The following SOX30 variants were observed in gnomAD, a reference collection of about 807,000 sequenced individuals.
The protein encoded by SOX30 is transcription factor SOX-30.
SOX30 carries 17 observed loss-of-function variants against 58.6 expected under a neutral mutation model. That is an observed-to-expected ratio of 0.29 (90% CI 0.20 to 0.44). The LOEUF is 0.44. SOX30 is among the 20% of genes least tolerant of loss of function. The pLI is 1.00. For synonymous variants in SOX30, 421 were observed against 400.2 expected (o/e 1.05, Z -0.62); for missense variants, 951 against 965.8 (o/e 0.98, Z 0.20).
chr5:157,663,616 A>G (rs1759614748), intron 2 of SOX30, among the ~76,000 whole-genome samples: 1 of 152,232 alleles, frequency 6.6e-6, no homozygotes. Flanking sequence ...AATCAGGCAG[A>G]AGAAAGAAAT....
In SOX30 at chr5:157,651,827, A is replaced by G. The variant is rs746090206; in HGVS notation, c.252T>C (p.Pro84=). The G allele has an allele frequency of 6.3e-7, 1 of 1,586,572 alleles. No individual in the cohort carries two copies. The highest frequency in any genetic ancestry group is 2.3e-5 in the East Asian group (1 of 43,924). ...KPEQVLLLPQ[P]QAQNEEAAAS... is the part of the protein sequence containing the mutation. ...CAGCGGCTTCCTCGTTCTGGGCCTGAGGCTGTGGTAGCAGCAACACCTGCT... is the reference window on the plus strand; with the variant it reads ...CAGCGGCTTCCTCGTTCTGGGCCTGGGGCTGTGGTAGCAGCAACACCTGCT... The change falls in exon 1 of 5, where the codon CCT becomes CCC. Residue 84 remains proline (P), a synonymous_variant. Coordinates refer to ENST00000265007, the MANE Select transcript of SOX30 (RefSeq NM_178424.2).
At chr5:157,643,101 GACAACAACAACAACA>G (rs200189852) in intron 3 of SOX30, among the ~76,000 whole-genome samples, 9 of 149,826 alleles carry the variant, frequency 6.0e-5, no homozygotes, top group Non-Finnish European at 4.4e-5. Flanking sequence ...GAAGAAAACG[GACAACAACAACAACA>G]ACAACAACAA....
chr5:157,666,333 G>A (rs976979627), intron 2 of SOX30, among the ~76,000 whole-genome samples: 3 of 151,574 alleles, frequency 2.0e-5, no homozygotes, highest in Non-Finnish European at 4.4e-5. Context: ...GCTAATTTTT[G>A]TATTTTTGTA....
At position 157,651,103 on chromosome 5, in the gene SOX30, G is replaced by A. The variant is rs780007807; in HGVS notation, c.967+9C>T. 3 of 1,524,434 alleles carry A rather than the reference G, an allele frequency of 2.0e-6. No homozygotes were observed. Among genetic ancestry groups the A allele is most frequent in the Non-Finnish European group, 2.6e-6 (3 of 1,136,230 alleles). The allele number at this position is 1,524,434 out of a possible 1,614,324, so 94.4% of individuals were successfully genotyped here. A position where few individuals can be genotyped will look rare whatever the true frequency, so the allele number is the denominator to read the frequency against. On this transcript the variant is annotated intron_variant, in intron 1 of 4. Coordinates refer to ENST00000265007, the MANE Select transcript of SOX30 (RefSeq NM_178424.2). ...GTTTTGAAAACCCGACTCCCCTGCT[G>A]TCTAATACCTGCATCTGAGGGCAAC...
intron 4 of SOX30, among the ~76,000 whole-genome samples, chr5:157,637,455 C>G (rs1337163637): frequency 6.6e-6 from 1 of 152,126 alleles, no homozygotes; most frequent in Non-Finnish European, 1.5e-5. Context: ...AATTGGCAAT[C>G]ACTTGGGAGC....
intron 4 of SOX30, among the ~76,000 whole-genome samples, chr5:157,637,138 A>AG (rs1013481485): frequency 2.0e-5 from 3 of 151,588 alleles, no homozygotes; most frequent in African/African-American, 4.8e-5. Flanking sequence ...CGCCTCAAAA[A>AG]AAAAAAAAAA....
chr5:157,628,107 G>A (rs1206226962), intron 4 of SOX30, among the ~76,000 whole-genome samples: 1 of 152,020 alleles, frequency 6.6e-6, no homozygotes, highest in African/African-American at 2.4e-5. Context: ...TTGAGCCCAG[G>A]AGTTTGAAGC....
At chr5:157,635,177 T>C (rs1758896634) in intron 4 of SOX30, among the ~76,000 whole-genome samples, 1 of 152,228 alleles carries the variant, frequency 6.6e-6, no homozygotes, top group Non-Finnish European at 1.5e-5. Flanking sequence ...AAACTATGCA[T>C]AGCTTAATGT....
chr5:157,638,836 C>G, intron 3 of SOX30, 114 bp from the exon 4 acceptor site: 2 of 963,082 alleles, frequency 2.1e-6, no homozygotes, highest in Non-Finnish European at 3.0e-6. Context: ...ATCACCTTAC[C>G]TAACTGCATC....
chr5:157,626,537 C>G lies in SOX30; in HGVS notation c.2065G>C (p.Glu689Gln). Residue 689 changes from glutamate to glutamine, a missense_variant, in exon 5 of 5, where the codon GAG (glutamate) becomes CAG (glutamine). Physicochemically the swap from Glu to Gln is conservative, Grantham distance 29 (BLOSUM62 2). Around this residue, in one of 7 missense-constraint regions of SOX30, gnomAD observed 381 missense variants for 390.0 expected, o/e 0.98. Coordinates refer to ENST00000265007, the MANE Select transcript of SOX30 (RefSeq NM_178424.2). ...CTHSENSRSC[E>Q]NMNGTSYYNS... is the part of the protein sequence containing the mutation. ...TAGTAAGAAGTTCCATTCATGTTCT[C>G]ACAACTCCGAGAATTTTCACTGTGT... is the stretch of plus-strand genomic sequence containing the variant. The G allele has an allele frequency of 6.2e-7, 1 of 1,614,124 alleles. No homozygotes were observed. The highest frequency in any genetic ancestry group is 8.5e-7 in the Non-Finnish European group (1 of 1,180,010).
At chr5:157,662,601 C>G (rs1286426457) in intron 2 of SOX30, among the ~76,000 whole-genome samples, 2 of 152,096 alleles carry the variant, frequency 1.3e-5, no homozygotes, top group South Asian at 4.1e-4. Flanking sequence ...AAATAAAATT[C>G]AAAAGCCTCC....
At chr5:157,636,031 G>A (rs930945510) in intron 4 of SOX30, among the ~76,000 whole-genome samples, 1 of 152,062 alleles carries the variant, frequency 6.6e-6, no homozygotes, top group Non-Finnish European at 1.5e-5. Flanking sequence ...TTATTTAACT[G>A]AAAAAGTAGG....
chr5:157,643,286 G>A (rs1759114030), intron 3 of SOX30, among the ~76,000 whole-genome samples: 1 of 152,084 alleles, frequency 6.6e-6, no homozygotes, highest in South Asian at 2.1e-4. Context: ...CAGACATGGT[G>A]GTGCATGCCT....
rs144466457 is a variant in SOX30, at chr5:157,639,242, C to T, written c.1388-520G>A. Among the ~76,000 whole-genome samples the T allele has an allele frequency of 2.3e-3, 347 of 152,144 alleles. 2 individuals are homozygous for T. The highest frequency in any genetic ancestry group is 0.023 in the East Asian group (117 of 5,184). ...GGGGCAGGAGGAAAAGCCAGACTTT[C>T]GTTTTATACCTACTGGTACTATCTG... On this transcript the variant is annotated intron_variant, in intron 3 of 4. Transcript: ENST00000265007.
chr5:157,663,835 A>T (rs1402536084), intron 2 of SOX30, among the ~76,000 whole-genome samples: 1 of 152,196 alleles, frequency 6.6e-6, no homozygotes, highest in African/African-American at 2.4e-5. Flanking sequence ...ATCATGAGTG[A>T]ACTCCCATTC....
At chr5:157,660,817 C>G (rs1759563478) in intron 2 of SOX30, among the ~76,000 whole-genome samples, 1 of 152,084 alleles carries the variant, frequency 6.6e-6, no homozygotes, top group African/African-American at 2.4e-5. Flanking sequence ...ATTTTAGGTT[C>G]ATCATATCAA....
chr5:157,667,922 T>C (rs1759702328), intron 1 of SOX30: 2 of 1,467,612 alleles, frequency 1.4e-6, no homozygotes, highest in Non-Finnish European at 1.8e-6. Context: ...ATATCTTACC[T>C]CATTCATTCC....
At chr5:157,660,657 G>A (rs1345064607) in intron 2 of SOX30, among the ~76,000 whole-genome samples, 2 of 151,832 alleles carry the variant, frequency 1.3e-5, no homozygotes, top group African/African-American at 2.4e-5. Flanking sequence ...ACCGTGCCAA[G>A]CTATATACAT....
At chr5:157,641,616 AAAT>A (rs945498704) in intron 3 of SOX30, among the ~76,000 whole-genome samples, 1 of 152,198 alleles carries the variant, frequency 6.6e-6, no homozygotes, top group African/African-American at 2.4e-5. Flanking sequence ...CTATCTCAAA[AAAT>A]AATAATAATA....
Sources: allele counts gnomAD v4.1 joint callset (sites outside exome capture counted in the v4.1 genomes callset), GRCh38; gene constraint gnomAD v4.1.1; regional missense constraint gnomAD v4.1.1; transcripts MANE v1.5; gene names NCBI Gene and HGNC (gene_info 2026-07-23, HGNC 2026-07-21).